Variants in DAPK1 observed in about 807,000 individuals in gnomAD.
The protein encoded by DAPK1 is death associated protein kinase 1.
A neutral mutation model predicts 144.9 loss-of-function variants in DAPK1; 56 were observed. The ratio of observed to expected loss-of-function variants is 0.39; its 90% CI spans 0.31 to 0.48. DAPK1 has a LOEUF of 0.48. Ranked by LOEUF, DAPK1 falls within the 20% of genes least tolerant of loss-of-function variation. The pLI, the probability that DAPK1 is intolerant of heterozygous loss-of-function variation, is 0.95. For synonymous variants in DAPK1, 690 were observed against 749.0 expected, an observed-to-expected ratio of 0.92 and a Z score of 1.29; for missense variants, 1,454 against 1,875.4, an observed-to-expected ratio of 0.78 and a Z score of 4.15.
chr9:87,561,342 C>A (rs531340118), intron 2 of DAPK1, among the ~76,000 whole-genome samples: 1 of 152,012 alleles, frequency 6.6e-6, no homozygotes, highest in Non-Finnish European at 1.5e-5. Flanking sequence ...CTGGCTAACA[C>A]GGTGAAACCT....
At chr9:87,646,582 G>A (rs1281495061) in intron 13 of DAPK1, 23 bp downstream of exon 13, 2 of 1,572,428 alleles carry the variant, frequency 1.3e-6, no homozygotes, top group Admixed American at 3.4e-5. Context: ...TTATTGAAAT[G>A]AATTGAATTT....
At chr9:87,559,937 C>T (rs949669161) in intron 2 of DAPK1, among the ~76,000 whole-genome samples, 62 of 152,118 alleles carry the variant, frequency 4.1e-4, no homozygotes, top group African/African-American at 1.3e-3. Flanking sequence ...TGTCTCCCCA[C>T]CTTGGTTTAT....
chr9:87,683,917 C>T (rs1018775920), intron 20 of DAPK1, among the ~76,000 whole-genome samples: 18 of 152,194 alleles, frequency 1.2e-4, no homozygotes, highest in African/African-American at 2.2e-4. Context: ...CAGTCAGTGC[C>T]GCCTGCCCCT....
rs1017467361 is a variant in DAPK1 at position 87,604,874 on chromosome 9, C to G, written c.63-80C>G. 5.0e-5 allele frequency: 64 copies of G among 1,280,246 alleles called. No homozygotes were observed. In the South Asian group the frequency reaches 7.9e-4, roughly 16 times the overall value. The allele number at this position is 1,280,246 out of a possible 1,614,324, so 79.3% of individuals were successfully genotyped here. Reference sequence around the variant, plus strand: ...TTTCCTATTCACAGTTCTCTTGTCCCCCTCTGCACCATGCCACATCCTCAC... The same window carrying G: ...TTTCCTATTCACAGTTCTCTTGTCCGCCTCTGCACCATGCCACATCCTCAC... On this transcript the variant is annotated intron_variant, in intron 2 of 25. Transcript: ENST00000408954.
chr9:87,697,230 G>T (rs753944738), intron 22 of DAPK1, 26 bp downstream of exon 22: 16 of 1,095,122 alleles, frequency 1.5e-5, no homozygotes, highest in Non-Finnish European at 2.1e-5. Flanking sequence ...GCAGGCCAGT[G>T]ATGTCCTACC....
At chr9:87,577,219 G>T (rs531991642) in intron 2 of DAPK1, among the ~76,000 whole-genome samples, 5 of 152,200 alleles carry the variant, frequency 3.3e-5, no homozygotes, top group African/African-American at 7.2e-5. Flanking sequence ...TTTCATCATC[G>T]CCTGGAAACT....
chr9:87,559,545 G>A (rs951930099), intron 2 of DAPK1, among the ~76,000 whole-genome samples: 2 of 152,092 alleles, frequency 1.3e-5, no homozygotes, highest in Non-Finnish European at 2.9e-5. Flanking sequence ...AGCTACTGTG[G>A]TGGACTTTCC....
chr9:87,582,631 T>G (rs573049002), intron 2 of DAPK1, among the ~76,000 whole-genome samples: 1 of 151,140 alleles, frequency 6.6e-6, no homozygotes, highest in African/African-American at 2.4e-5. Context: ...CTCGGCTCAC[T>G]GCAACCTCCG....
chr9:87,611,871 C>T (rs964592974), intron 3 of DAPK1, among the ~76,000 whole-genome samples: 1 of 152,168 alleles, frequency 6.6e-6, no homozygotes. Context: ...GGCTGTGCTC[C>T]CCAAAAAGGA....
At chr9:87,582,274 A>C (rs1212683426) in intron 2 of DAPK1, among the ~76,000 whole-genome samples, 1 of 152,132 alleles carries the variant, frequency 6.6e-6, no homozygotes, top group Non-Finnish European at 1.5e-5. Flanking sequence ...AGGTGAAATG[A>C]ATTATTATAA....
intron 2 of DAPK1, among the ~76,000 whole-genome samples, chr9:87,511,410 C>T (rs1284764331): frequency 6.6e-6 from 1 of 152,150 alleles, no homozygotes; most frequent in Non-Finnish European, 1.5e-5. Flanking sequence ...GTCCACAAGA[C>T]ACCATGGGAA....
chr9:87,671,149 G>C (rs1214016591), intron 19 of DAPK1, among the ~76,000 whole-genome samples: 1 of 152,186 alleles, frequency 6.6e-6, no homozygotes, highest in East Asian at 1.9e-4. Flanking sequence ...GGCATAGTGA[G>C]GAGTAGAGAT....
chr9:87,572,264 T>A (rs151244030), intron 2 of DAPK1, among the ~76,000 whole-genome samples: 1 of 152,326 alleles, frequency 6.6e-6, no homozygotes, highest in East Asian at 1.9e-4. Context: ...CTCTATTTCT[T>A]TTAATGAAGC....
At chr9:87,528,871 CAA>C (rs34492541) in intron 2 of DAPK1, among the ~76,000 whole-genome samples, 2,123 of 104,814 alleles carry the variant, frequency 0.02, 47 homozygotes, top group African/African-American at 0.06. Flanking sequence ...GACTCCATCT[CAA>C]AAAAAAAAAA....
intron 2 of DAPK1, among the ~76,000 whole-genome samples, chr9:87,601,476 TACATC>T (rs1248227610): frequency 1.7e-4 from 26 of 150,900 alleles, no homozygotes; most frequent in Non-Finnish European, 1.5e-5. Flanking sequence ...AATAGTTGTA[TACATC>T]GTTAGCACAG....
At chr9:87,541,567 A>C (rs961406162) in intron 2 of DAPK1, among the ~76,000 whole-genome samples, 1 of 149,668 alleles carries the variant, frequency 6.7e-6, no homozygotes, top group Admixed American at 6.7e-5. Context: ...AAAAAAAAAA[A>C]GATGGAGAAA....
intron 2 of DAPK1, among the ~76,000 whole-genome samples, chr9:87,533,265 T>G (rs1403730535): frequency 1.3e-5 from 2 of 152,262 alleles, no homozygotes; most frequent in South Asian, 4.1e-4. Context: ...TGAGAAACTG[T>G]TGGGAGAACT....
At chr9:87,693,957 G>A (rs1469186356) in intron 21 of DAPK1, among the ~76,000 whole-genome samples, 1 of 152,184 alleles carries the variant, frequency 6.6e-6, no homozygotes, top group East Asian at 1.9e-4. Flanking sequence ...AGTGGTGGCA[G>A]TGGTGGGCTG....
intron 2 of DAPK1, among the ~76,000 whole-genome samples, chr9:87,563,022 G>C (rs1203712135): frequency 2.6e-5 from 4 of 152,190 alleles, no homozygotes; most frequent in Non-Finnish European, 5.9e-5. Context: ...TGGAAGGAGG[G>C]TGATGATCCG....
Sources: allele counts gnomAD v4.1 joint callset (sites outside exome capture counted in the v4.1 genomes callset), GRCh38; gene constraint gnomAD v4.1.1; transcripts MANE v1.5; gene names NCBI Gene and HGNC (gene_info 2026-07-23, HGNC 2026-07-21).